FMN1: variants seen among roughly 807,000 people sequenced by gnomAD.
FMN1 encodes the protein formin 1.
A neutral mutation model predicts 132.4 loss-of-function variants in FMN1; 110 were observed. The ratio of observed to expected loss-of-function variants is 0.83; its 90% CI spans 0.71 to 0.97. The LOEUF is 0.97. FMN1 is among the 50% of genes least tolerant of loss of function. The probability of loss-of-function intolerance (pLI) is 0.00; values close to 1 mark genes in which losing one functional copy is unlikely to be tolerated. For synonymous variants in FMN1, 722 were observed against 651.7 expected (o/e 1.11, Z -1.64); for missense variants, 1,792 against 1,705.3 (o/e 1.05, Z -0.90).
intron 17 of FMN1, among the ~76,000 whole-genome samples, chr15:32,821,364 A>T (rs1223678679): frequency 6.6e-6 from 1 of 150,704 alleles, no homozygotes. Flanking sequence ...CTTTTGTTGG[A>T]TTCACCAAAC....
chr15:33,124,624 T>C (rs532100977), intron 4 of FMN1, among the ~76,000 whole-genome samples: 2 of 152,320 alleles, frequency 1.3e-5, no homozygotes, highest in East Asian at 1.9e-4. Context: ...TCTTCTAGAA[T>C]GTATTTGGTA....
intron 5 of FMN1, among the ~76,000 whole-genome samples, chr15:33,086,830 C>T (rs1473646155): frequency 6.6e-6 from 1 of 152,174 alleles, no homozygotes; most frequent in African/African-American, 2.4e-5. Flanking sequence ...ATTTCTAAAC[C>T]TCCTTTTGTA....
At chr15:33,107,684 G>A (rs1005032535) in intron 4 of FMN1, among the ~76,000 whole-genome samples, 1 of 151,998 alleles carries the variant, frequency 6.6e-6, no homozygotes, top group African/African-American at 2.4e-5. Context: ...GAGCAGAAAG[G>A]CTTTCTTGTC....
At chr15:33,128,738 A>G (rs1963376792) in intron 4 of FMN1, among the ~76,000 whole-genome samples, 1 of 152,200 alleles carries the variant, frequency 6.6e-6, no homozygotes. Flanking sequence ...CTTAAAGGTG[A>G]TGTGGTGAAT....
At chr15:32,871,903 A>G (rs2059524592) in intron 16 of FMN1, among the ~76,000 whole-genome samples, 1 of 152,228 alleles carries the variant, frequency 6.6e-6, no homozygotes, top group Admixed American at 6.5e-5. Context: ...AATGGAAAAC[A>G]GTAAGAGGAC....
intron 5 of FMN1, chr15:33,066,548 T>C (rs753558211): frequency 2.5e-6 from 4 of 1,595,238 alleles, no homozygotes; most frequent in Non-Finnish European, 3.4e-6. Flanking sequence ...TGGCTTAGAA[T>C]TGGACCGTTC....
At chr15:33,190,140 T>A (rs1353638411) in intron 2 of FMN1, among the ~76,000 whole-genome samples, 1 of 152,178 alleles carries the variant, frequency 6.6e-6, no homozygotes, top group Non-Finnish European at 1.5e-5. Context: ...TGGCAGCAAT[T>A]CTTCCCAAAT....
At chr15:33,049,357 T>C (rs185977851) in intron 6 of FMN1, among the ~76,000 whole-genome samples, 2 of 152,272 alleles carry the variant, frequency 1.3e-5, no homozygotes, top group African/African-American at 4.8e-5. Flanking sequence ...AGGAAACACA[T>C]AGCTCCTAGA....
At chr15:32,824,334 T>A (rs577410911) in intron 17 of FMN1, among the ~76,000 whole-genome samples, 59 of 152,340 alleles carry the variant, frequency 3.9e-4, no homozygotes, top group South Asian at 3.7e-3. Flanking sequence ...AGTGCGTGCT[T>A]ACCTCACAGA....
chr15:32,900,213 A>G, intron 13 of FMN1, 88 bp from the exon 14 acceptor site: 1 of 1,429,692 alleles, frequency 7.0e-7, no homozygotes, highest in South Asian at 1.2e-5. Flanking sequence ...TGTACTCAAT[A>G]GGCTGTCGGG....
intron 4 of FMN1, among the ~76,000 whole-genome samples, chr15:33,102,304 A>G (rs2039324555): frequency 1.3e-5 from 2 of 152,176 alleles, no homozygotes; most frequent in South Asian, 4.1e-4. Flanking sequence ...AGAAGGAGCT[A>G]TTGTTGAAAT....
intron 16 of FMN1, among the ~76,000 whole-genome samples, chr15:32,862,593 T>C (rs2059295505): frequency 6.6e-6 from 1 of 152,188 alleles, no homozygotes; most frequent in Non-Finnish European, 1.5e-5. Flanking sequence ...CTGTTTTTTG[T>C]TTTTCACCCC....
chr15:33,011,813 G>C (rs2034742928), intron 6 of FMN1, among the ~76,000 whole-genome samples: 1 of 152,086 alleles, frequency 6.6e-6, no homozygotes, highest in African/African-American at 2.4e-5. Context: ...CTAAAAAGAT[G>C]ATATACAAAT....
chr15:32,937,307 A>G (rs992035756), intron 9 of FMN1, among the ~76,000 whole-genome samples: 7 of 152,152 alleles, frequency 4.6e-5, no homozygotes, highest in African/African-American at 1.7e-4. Flanking sequence ...CTCCCTCCCA[A>G]AGGAGAAGCC....
At chr15:32,987,644 C>T (rs1456317531) in intron 7 of FMN1, among the ~76,000 whole-genome samples, 1 of 152,134 alleles carries the variant, frequency 6.6e-6, no homozygotes, top group Non-Finnish European at 1.5e-5. Context: ...ATAAAATACA[C>T]CCCCTTCTCA....
At chr15:32,928,090 G>C (rs1469253653) in intron 9 of FMN1, among the ~76,000 whole-genome samples, 1 of 152,104 alleles carries the variant, frequency 6.6e-6, no homozygotes, top group African/African-American at 2.4e-5. Flanking sequence ...ATTATTGCCA[G>C]ATATTTTTTT....
At chr15:33,088,705 C>A in intron 5 of FMN1, 94 bp downstream of exon 5, 3 of 1,067,500 alleles carry the variant, frequency 2.8e-6, no homozygotes, top group Non-Finnish European at 2.5e-6. Context: ...ACATTAAATG[C>A]AGCTTTATAT....
At chr15:32,843,230 T>A (rs4779591) in intron 17 of FMN1, among the ~76,000 whole-genome samples, 102,962 of 151,976 alleles carry the variant, frequency 0.68, 36,446 homozygotes, top group Non-Finnish European at 0.78. Flanking sequence ...CCCAGGAGAC[T>A]ACAACAGAAA....
At chr15:33,132,483 T>C (rs959192849) in intron 4 of FMN1, among the ~76,000 whole-genome samples, 17 of 152,300 alleles carry the variant, frequency 1.1e-4, no homozygotes, top group African/African-American at 2.6e-4. Flanking sequence ...CCACATCATG[T>C]CATTTGGAAA....
Sources: gnomAD v4.1 joint callset for allele counts (sites outside exome capture counted in the v4.1 genomes callset) on GRCh38, gnomAD v4.1.1 for gene constraint, MANE v1.5 for transcripts, NCBI Gene and HGNC (gene_info 2026-07-23, HGNC 2026-07-21) for gene names.